ABCA13: variants seen among roughly 807,000 people sequenced by gnomAD.
ABCA13 encodes ATP binding cassette subfamily A member 13, also known as ATP-binding cassette sub-family A member 13.
In ABCA13, 476 loss-of-function variants were observed where a neutral mutation model predicts 478.7. The observed-to-expected ratio is 0.99, with a 90% CI of 0.92 to 1.07. The LOEUF (loss-of-function observed/expected upper bound fraction) is 1.07. ABCA13 is among the 50% of genes least tolerant of loss of function. The pLI is 0.00. For missense variants in ABCA13, 6,060 were observed against 5,910.6 expected (o/e 1.03, Z -0.83); for synonymous variants, 2,252 against 2,158.9 (o/e 1.04, Z -1.20).
chr7:48,463,378 C>T (rs1027983044), intron 43 of ABCA13, among the ~76,000 whole-genome samples: 3 of 152,154 alleles, frequency 2.0e-5, no homozygotes, highest in Admixed American at 6.5e-5. Context: ...GGGACCTTTG[C>T]TTCCTATACT....
chr7:48,342,785 C>T (rs1012343009), intron 29 of ABCA13, among the ~76,000 whole-genome samples: 1 of 152,158 alleles, frequency 6.6e-6, no homozygotes, highest in Non-Finnish European at 1.5e-5. Context: ...CTTTATACTT[C>T]AGTTTGTGAT....
At chr7:48,446,413 T>C (rs1457154053) in intron 42 of ABCA13, among the ~76,000 whole-genome samples, 1 of 151,602 alleles carries the variant, frequency 6.6e-6, no homozygotes, top group African/African-American at 2.4e-5. Context: ...AAAGAAACCT[T>C]ATTCCCTGAT....
intron 59 of ABCA13, among the ~76,000 whole-genome samples, chr7:48,628,716 T>A (rs893685392): frequency 6.6e-6 from 1 of 152,216 alleles, no homozygotes; most frequent in Non-Finnish European, 1.5e-5. Context: ...TTTTCTTCTG[T>A]TTACTTCTGT....
At chr7:48,417,530 C>A (rs1194198348) in intron 41 of ABCA13, among the ~76,000 whole-genome samples, 1 of 152,018 alleles carries the variant, frequency 6.6e-6, no homozygotes, top group Non-Finnish European at 1.5e-5. Context: ...ATTTTAAAAA[C>A]CTTTTAAAGA....
chr7:48,582,169 A>G (rs919927957), intron 56 of ABCA13, among the ~76,000 whole-genome samples: 3 of 152,206 alleles, frequency 2.0e-5, no homozygotes, highest in Non-Finnish European at 4.4e-5. Context: ...CCATGTTCAC[A>G]TGGCTAGTAT....
intron 1 of ABCA13, 85 bp downstream of exon 1, chr7:48,171,637 T>C (rs1794084806): frequency 2.8e-6 from 4 of 1,409,762 alleles, no homozygotes; most frequent in South Asian, 1.2e-5. Flanking sequence ...TGCCTCTGCC[T>C]CCTGGCAGGT....
intron 3 of ABCA13, among the ~76,000 whole-genome samples, chr7:48,211,979 C>T (rs930173377): frequency 2.0e-5 from 3 of 152,026 alleles, no homozygotes; most frequent in Admixed American, 6.6e-5. Context: ...GGTACTGCAA[C>T]TCCACTGCCT....
At chr7:48,534,863 T>A (rs1833464399) in intron 55 of ABCA13, among the ~76,000 whole-genome samples, 2 of 152,172 alleles carry the variant, frequency 1.3e-5, no homozygotes, top group South Asian at 4.1e-4. Flanking sequence ...AGTTGTGATT[T>A]TAAAAAATTT....
intron 29 of ABCA13, among the ~76,000 whole-genome samples, chr7:48,345,802 A>G (rs1807987699): frequency 6.6e-6 from 1 of 152,210 alleles, no homozygotes; most frequent in Non-Finnish European, 1.5e-5. Context: ...AGTGTACGGT[A>G]ATGTCCTAGG....
chr7:48,272,504 T>G lies in ABCA13; in HGVS notation c.2838T>G (p.Thr946=), dbSNP rs778276027. The part of the protein sequence containing the change: ...PQKQEVDKIL[T]HIHLNVFQDK... ...AACAAGAAGTTGATAAAATTTTGACTCACATACACCTAAATGTCTTCCAGG... is the reference window on the plus strand; with the variant it reads ...AACAAGAAGTTGATAAAATTTTGACGCACATACACCTAAATGTCTTCCAGG... The change falls in exon 17 of 62, where the codon ACT becomes ACG. Residue 946 remains threonine (T), a synonymous_variant. Coordinates refer to ENST00000435803, the MANE Select transcript of ABCA13 (RefSeq NM_152701.5). The G allele has an allele frequency of 7.4e-6, 12 of 1,613,800 alleles. No homozygotes were observed. In the South Asian group the frequency reaches 1.3e-4, roughly 18 times the overall value.
Position 48,313,088 on chromosome 7 carries a change from A to C in ABCA13, c.9538A>C (p.Asn3180His). 6.3e-7 allele frequency: 1 copy of C among 1,599,712 alleles called. No homozygotes were observed. The highest frequency in any genetic ancestry group is 8.5e-7 in the Non-Finnish European group (1 of 1,173,272). ...IYKTLMPSEA[N>H]GLLNSLLDIV... ...TTAGACTCTGATGCCTTCTGAAGCA[A>C]ATGGCTTGCTCAACTCCTTGCTGGA... is the stretch of plus-strand genomic sequence containing the variant. The change falls in exon 25 of 62, where the codon AAT becomes CAT. Residue 3180 changes from asparagine (N) to histidine (H), a missense_variant. Asn to His is a moderately conservative substitution (Grantham distance 68). Coordinates refer to ENST00000435803, the MANE Select transcript of ABCA13 (RefSeq NM_152701.5).
At chr7:48,205,545 T>C (rs34705201) in intron 3 of ABCA13, among the ~76,000 whole-genome samples, 30,771 of 152,196 alleles carry the variant, frequency 0.2, 3,364 homozygotes, top group Middle Eastern at 0.26. Flanking sequence ...AATGTCTCTA[T>C]CTTGCACTTC....
intron 23 of ABCA13, among the ~76,000 whole-genome samples, chr7:48,307,414 A>T (rs1217808233): frequency 6.6e-6 from 1 of 152,176 alleles, no homozygotes; most frequent in Non-Finnish European, 1.5e-5. Flanking sequence ...CTAAACATAG[A>T]AAAGGTACTG....
chr7:48,391,159 C>A (rs539721823), intron 37 of ABCA13, among the ~76,000 whole-genome samples: 1 of 152,112 alleles, frequency 6.6e-6, no homozygotes, highest in Admixed American at 6.6e-5. Flanking sequence ...CAGACTATCC[C>A]GGGAGCAGCG....
At chr7:48,498,279 A>G (rs1414165728) in intron 48 of ABCA13, among the ~76,000 whole-genome samples, 1 of 152,122 alleles carries the variant, frequency 6.6e-6, no homozygotes, top group African/African-American at 2.4e-5. Flanking sequence ...TTCTTTTGTT[A>G]GACCACTCTT....
intron 31 of ABCA13, among the ~76,000 whole-genome samples, chr7:48,361,129 G>T (rs780936617): frequency 9.9e-5 from 15 of 151,348 alleles, no homozygotes; most frequent in Non-Finnish European, 1.5e-5. Context: ...AACTACGAAT[G>T]ACTTAAATCT....
intron 42 of ABCA13, among the ~76,000 whole-genome samples, chr7:48,443,203 G>C (rs1823861820): frequency 6.6e-6 from 1 of 152,166 alleles, no homozygotes; most frequent in South Asian, 2.1e-4. Flanking sequence ...ATGATTGTCT[G>C]TTGTTTCAGC....
intron 59 of ABCA13, among the ~76,000 whole-genome samples, chr7:48,641,561 C>T (rs991909529): frequency 6.6e-6 from 1 of 152,332 alleles, no homozygotes; most frequent in South Asian, 2.1e-4. Context: ...ATTTACCAGA[C>T]TTTCCAGGGT....
At chr7:48,635,865 G>A (rs940909253) in intron 59 of ABCA13, among the ~76,000 whole-genome samples, 1 of 152,160 alleles carries the variant, frequency 6.6e-6, no homozygotes, top group Non-Finnish European at 1.5e-5. Context: ...TTATCTTGCT[G>A]TATACAGAAA....
Sources: gnomAD v4.1 joint callset for allele counts (sites outside exome capture counted in the v4.1 genomes callset) on GRCh38, gnomAD v4.1.1 for gene constraint, MANE v1.5 for transcripts, NCBI Gene and HGNC (gene_info 2026-07-23, HGNC 2026-07-21) for gene names.